The following PCMT1 variants were observed in gnomAD, a reference collection of about 807,000 sequenced individuals.
PCMT1 encodes the protein protein-L-isoaspartate (D-aspartate) O-methyltransferase.
PCMT1 carries 9 observed loss-of-function variants against 29.2 expected under a neutral mutation model. The observed-to-expected ratio is 0.31, with a 90% CI of 0.19 to 0.54. The LOEUF is 0.54. PCMT1 is among the 20% of genes least tolerant of loss of function. The pLI is 0.95. For missense variants in PCMT1, 184 were observed against 282.2 expected (o/e 0.65, Z 2.49); for synonymous variants, 98 against 97.5 (o/e 1.00, Z -0.03).
chr6:149,802,447 C>A, intron 7 of PCMT1, 31 bp downstream of exon 7: 1 of 1,462,678 alleles, frequency 6.8e-7, no homozygotes. Flanking sequence ...AGACATTAGA[C>A]TACAAGAGCT....
intron 3 of PCMT1, among the ~76,000 whole-genome samples, chr6:149,779,420 G>T (rs1372777458): frequency 6.6e-6 from 1 of 152,082 alleles, no homozygotes; most frequent in Non-Finnish European, 1.5e-5. Context: ...CTGCGCCAGT[G>T]ATCACCTTAA....
At chr6:149,789,728 TAAA>T (rs1554255555) in intron 3 of PCMT1, among the ~76,000 whole-genome samples, 5 of 151,032 alleles carry the variant, frequency 3.3e-5, no homozygotes, top group African/African-American at 1.2e-4. Context: ...AATTAAAAGT[TAAA>T]AATTCACACA....
At chr6:149,755,528 G>A (rs940832776) in intron 1 of PCMT1, among the ~76,000 whole-genome samples, 3 of 152,234 alleles carry the variant, frequency 2.0e-5, no homozygotes, top group African/African-American at 7.2e-5. Context: ...TTTCCTGTGG[G>A]TAAAGGGAAA....
At chr6:149,786,843 T>G (rs1470117472) in intron 3 of PCMT1, among the ~76,000 whole-genome samples, 1 of 141,282 alleles carries the variant, frequency 7.1e-6, no homozygotes, top group Admixed American at 7.0e-5. Context: ...GGATGGCGGC[T>G]GGGCAGAGAC....
chr6:149,786,684 G>T (rs1302795294), intron 3 of PCMT1, among the ~76,000 whole-genome samples: 1 of 146,144 alleles, frequency 6.8e-6, no homozygotes, highest in Non-Finnish European at 1.5e-5. Flanking sequence ...ACGGGGTCGC[G>T]GCCGGGCAGA....
chr6:149,783,534 G>A (rs1231301444), intron 3 of PCMT1, among the ~76,000 whole-genome samples: 1 of 152,100 alleles, frequency 6.6e-6, no homozygotes, highest in Non-Finnish European at 1.5e-5. Flanking sequence ...CGGTGGTGTG[G>A]TGGTCCAATA....
intron 1 of PCMT1, among the ~76,000 whole-genome samples, chr6:149,758,566 G>A (rs963674379): frequency 2.0e-5 from 3 of 151,890 alleles, no homozygotes; most frequent in African/African-American, 4.8e-5. Context: ...CTTGTGGAGT[G>A]TATGTGTTTT....
chr6:149,758,213 T>C (rs1342578074), intron 1 of PCMT1, among the ~76,000 whole-genome samples: 8 of 126,604 alleles, frequency 6.3e-5, no homozygotes, highest in Admixed American at 4.3e-4. Context: ...TCTTTCTTTT[T>C]TTTTTTTTTT....
At chr6:149,795,939 C>A (rs1200768286) in intron 5 of PCMT1, among the ~76,000 whole-genome samples, 1 of 152,086 alleles carries the variant, frequency 6.6e-6, no homozygotes, top group East Asian at 1.9e-4. Context: ...GAGTGAGTCA[C>A]GTGCAGGGAG....
chr6:149,763,142 TATATCTATGATATATATCTATG>T lies in PCMT1; in HGVS notation c.56-7980_56-7959del, dbSNP rs1562399196. On this transcript the variant is annotated intron_variant, in intron 1 of 7. Transcript: ENST00000464889. ...GTATATCTATGATATATATGATATA[TATATCTATGATATATATCTATG>T]ATATCTATGATATATATCTATGATA... Among the ~76,000 whole-genome samples, 34 of 61,932 alleles carry T rather than the reference TATATCTATGATATATATCTATG, an allele frequency of 5.5e-4. 3 individuals carry two copies. The highest frequency in any genetic ancestry group is 1.8e-3 in the Admixed American group (7 of 3,998). 40.6% of individuals were successfully genotyped at this position (61,932 alleles called of 152,430 possible).
At chr6:149,762,506 A>G (rs1425525048) in intron 1 of PCMT1, among the ~76,000 whole-genome samples, 1 of 81,590 alleles carries the variant, frequency 1.2e-5, no homozygotes, top group Non-Finnish European at 1.9e-5. Context: ...TATGATATAT[A>G]TATATATCTA....
At chr6:149,752,311 C>T (rs1221385086) in intron 1 of PCMT1, among the ~76,000 whole-genome samples, 2 of 151,930 alleles carry the variant, frequency 1.3e-5, no homozygotes, top group Non-Finnish European at 2.9e-5. Context: ...GATTCTTCTG[C>T]CTCAGCCTCC....
chr6:149,756,742 T>G (rs1000097864), intron 1 of PCMT1, among the ~76,000 whole-genome samples: 111 of 151,862 alleles, frequency 7.3e-4, no homozygotes, highest in Middle Eastern at 6.8e-3. Flanking sequence ...CCTAAGAAAT[T>G]GGAGCCTCAA....
At chr6:149,758,755 A>AT (rs986982986) in intron 1 of PCMT1, among the ~76,000 whole-genome samples, 4 of 152,078 alleles carry the variant, frequency 2.6e-5, no homozygotes, top group East Asian at 1.9e-4. Flanking sequence ...GATCCATTTT[A>AT]TTTTTTTTCC....
At chr6:149,808,521 G>A (rs1776072672) in intron 7 of PCMT1, among the ~76,000 whole-genome samples, 1 of 152,048 alleles carries the variant, frequency 6.6e-6, no homozygotes, top group South Asian at 2.1e-4. Context: ...CTTTTTTAAA[G>A]TATTTTTTAG....
chr6:149,787,871 T>C lies in PCMT1; in HGVS notation c.193-2083T>C, dbSNP rs144774898. ...TGTGTGTGTATTATATTTCCGTTTT[T>C]CTGAGCTCTTTGAGGGTAAATTACA... On this transcript the variant is annotated intron_variant, in intron 3 of 7. Transcript: ENST00000464889. Among the ~76,000 whole-genome samples the C allele has an allele frequency of 5.9e-5, 9 of 152,124 alleles. No homozygotes were observed. In the East Asian group the frequency reaches 1.7e-3, roughly 29 times the overall value.
chr6:149,783,306 T>G (rs2115284905), intron 3 of PCMT1, among the ~76,000 whole-genome samples: 1 of 151,850 alleles, frequency 6.6e-6, no homozygotes, highest in South Asian at 2.1e-4. Flanking sequence ...ATAATTTCTG[T>G]AGTTTTAGTA....
chr6:149,767,478 G>T (rs1320637103), intron 1 of PCMT1, among the ~76,000 whole-genome samples: 1 of 151,756 alleles, frequency 6.6e-6, no homozygotes, highest in African/African-American at 2.4e-5. Context: ...ATTGAGACAG[G>T]GTTTCACTCT....
At chr6:149,783,189 G>T (rs568983573) in intron 3 of PCMT1, among the ~76,000 whole-genome samples, 81 of 151,916 alleles carry the variant, frequency 5.3e-4, no homozygotes, top group Non-Finnish European at 9.7e-4. Flanking sequence ...GCTGGATGCA[G>T]TGGCGTGATC....
Sources: allele counts gnomAD v4.1 joint callset (sites outside exome capture counted in the v4.1 genomes callset), GRCh38; gene constraint gnomAD v4.1.1; transcripts MANE v1.5; gene names NCBI Gene and HGNC (gene_info 2026-07-23, HGNC 2026-07-21).